Variants in PDIA6 observed in about 807,000 individuals in gnomAD.
The protein encoded by PDIA6 is protein disulfide-isomerase A6.
A neutral mutation model predicts 58.4 loss-of-function variants in PDIA6; 29 were observed. The observed-to-expected ratio is 0.50, with a 90% CI of 0.37 to 0.68. The LOEUF is 0.68. Ranked by LOEUF, PDIA6 falls within the 30% of genes least tolerant of loss-of-function variation. PDIA6 has a pLI of 0.00. For synonymous variants in PDIA6, 192 were observed against 202.6 expected (o/e 0.95, Z 0.44); for missense variants, 480 against 551.0 (o/e 0.87, Z 1.29).
intron 1 of PDIA6, among the ~76,000 whole-genome samples, chr2:10,829,945 T>G (rs992116141): frequency 2.6e-5 from 4 of 152,214 alleles, no homozygotes. Context: ...TTGTCCTCTG[T>G]GCTCCCGCCA....
Position 10,803,970 on chromosome 2 carries a change from G to A in PDIA6, c.20-1330C>T, listed in dbSNP as rs1352957946. Among the ~76,000 whole-genome samples, 6 of 145,762 alleles carry A rather than the reference G, an allele frequency of 4.1e-5. No individual in the cohort carries two copies. In the East Asian group the frequency reaches 6.3e-4, roughly 15 times the overall value. ...GTCACCCAGGCTGGAGTGCATTGGCGCTATCTCGGCTCACTGCAAGCTCTG... is the reference window on the plus strand; with the variant it reads ...GTCACCCAGGCTGGAGTGCATTGGCACTATCTCGGCTCACTGCAAGCTCTG... On this transcript the variant is annotated intron_variant, in intron 1 of 12. Coordinates refer to ENST00000272227, the MANE Select transcript of PDIA6 (RefSeq NM_005742.4).
intron 1 of PDIA6, among the ~76,000 whole-genome samples, chr2:10,828,628 G>A (rs976248974): frequency 2.0e-5 from 3 of 152,268 alleles, no homozygotes; most frequent in Admixed American, 6.5e-5. Context: ...CGGGGCAGGC[G>A]ACACTGGGCA....
chr2:10,810,057 C>T (rs1321851885), intron 1 of PDIA6, among the ~76,000 whole-genome samples: 2 of 152,192 alleles, frequency 1.3e-5, no homozygotes, highest in East Asian at 3.8e-4. Flanking sequence ...ACCTGTCACA[C>T]TATGCTCCAG....
chr2:10,831,962 A>G (rs1312355344), intron 1 of PDIA6, among the ~76,000 whole-genome samples: 1 of 134,788 alleles, frequency 7.4e-6, no homozygotes, highest in African/African-American at 2.7e-5. Flanking sequence ...GGTCCCCTGG[A>G]GCTATGATGG....
At chr2:10,820,815 G>A (rs1667361747) in intron 1 of PDIA6, 1 of 702,924 alleles carries the variant, frequency 1.4e-6, no homozygotes, top group Non-Finnish European at 2.6e-6. Flanking sequence ...CTCAACTGGG[G>A]CCAGTGGTCG....
At chr2:10,831,182 C>T (rs891759514) in intron 1 of PDIA6, among the ~76,000 whole-genome samples, 6 of 152,196 alleles carry the variant, frequency 3.9e-5, no homozygotes, top group African/African-American at 1.2e-4. Flanking sequence ...TGTGATAGGG[C>T]GGGCGTTGAT....
At position 10,812,744 on chromosome 2, in the gene PDIA6, C is replaced by A. The variant is rs753345474; in HGVS notation, c.-48G>T. Reference sequence around the variant, plus strand: ...GTCCCCACCGCCGCCGCCGCTTCAGCCCTGCAGCGTGCCGCACGCCGCGCC... The same window carrying A: ...GTCCCCACCGCCGCCGCCGCTTCAGACCTGCAGCGTGCCGCACGCCGCGCC... On this transcript the variant is annotated 5_prime_UTR_variant, in exon 1 of 13. Coordinates refer to ENST00000272227, the MANE Select transcript of PDIA6 (RefSeq NM_005742.4). 2.1e-6 allele frequency: 3 copies of A among 1,446,644 alleles called. No homozygotes were observed. The highest frequency in any genetic ancestry group is 2.6e-5 in the Admixed American group (1 of 38,058). 89.6% of individuals were successfully genotyped at this position (1,446,644 alleles called of 1,614,324 possible).
chr2:10,801,462 A>ATGGCACATTACATATATGTAATGT (rs1358579431), intron 2 of PDIA6, among the ~76,000 whole-genome samples: 3 of 152,222 alleles, frequency 2.0e-5, no homozygotes, highest in Non-Finnish European at 4.4e-5. Context: ...ATATATGATA[A>ATGGCACATTACATATATGTAATGT]GCTTGTAAAA....
intron 5 of PDIA6, among the ~76,000 whole-genome samples, chr2:10,792,273 C>T (rs1315003846): frequency 6.6e-6 from 1 of 152,192 alleles, no homozygotes; most frequent in African/African-American, 2.4e-5. Flanking sequence ...CTGCTTCATC[C>T]TAGGATGTTA....
intron 4 of PDIA6, among the ~76,000 whole-genome samples, 196 bp from the exon 5 acceptor site, chr2:10,793,398 T>A (rs917593101): frequency 4.6e-5 from 7 of 152,140 alleles, no homozygotes; most frequent in African/African-American, 7.2e-5. Flanking sequence ...GAAAACCAAT[T>A]CCTTTTCCTT....
chr2:10,792,046 A>G (rs1454370853), intron 5 of PDIA6, 121 bp from the exon 6 acceptor site: 2 of 1,072,738 alleles, frequency 1.9e-6, no homozygotes, highest in Non-Finnish European at 2.7e-6. Context: ...AGTGAATAAA[A>G]TAGTGAAAAC....
upstream of PDIA6, among the ~76,000 whole-genome samples, chr2:10,835,386 G>A (rs1347381620): frequency 2.6e-5 from 4 of 152,094 alleles, no homozygotes; most frequent in Non-Finnish European, 5.9e-5. Flanking sequence ...AGCCAGCCGG[G>A]TTCCGTTTCC....
Position 10,796,288 on chromosome 2 carries a change from C to G in PDIA6, c.346+793G>C, listed in dbSNP as rs1388009553. 2.6e-5 allele frequency among the ~76,000 whole-genome samples: 4 copies of G among 152,036 alleles called. No homozygotes were observed. In the East Asian group the frequency reaches 7.7e-4, roughly 29 times the overall value. ...CAGGATGGTCTCGATCTCCTGACCT[C>G]GTGATCCGCCCGTCTTGGCCTCCCA... On this transcript the variant is annotated intron_variant, in intron 4 of 12. Transcript: ENST00000272227.
At chr2:10,832,535 G>A, upstream of PDIA6, 3 of 609,436 alleles carry the variant, frequency 4.9e-6, no homozygotes, top group Non-Finnish European at 6.2e-6. Context: ...CTTGCTCTGC[G>A]CAGGCTGCTG....
chr2:10,784,426 T>G, intron 12 of PDIA6, 100 bp from the exon 13 acceptor site: 1 of 866,712 alleles, frequency 1.2e-6, no homozygotes, highest in Non-Finnish European at 1.8e-6. Flanking sequence ...GAGCTACTCC[T>G]GCTACAATCC....
intron 5 of PDIA6, 92 bp from the exon 6 acceptor site, chr2:10,792,017 AGTTTTAGGGTT>A (rs1666057979): frequency 2.2e-6 from 3 of 1,340,878 alleles, no homozygotes; most frequent in African/African-American, 1.4e-5. Context: ...ATCTTAACAA[AGTTTTAGGGTT>A]TTTCTTTAGT....
chr2:10,814,929 G>T (rs926744606), upstream of PDIA6, among the ~76,000 whole-genome samples: 6 of 152,232 alleles, frequency 3.9e-5, no homozygotes, highest in African/African-American at 1.4e-4. Flanking sequence ...CTCTGTCCCA[G>T]TTGGCCTCAG....
chr2:10,798,558 ACT>A (rs1205771376), intron 2 of PDIA6, among the ~76,000 whole-genome samples: 1 of 130,404 alleles, frequency 7.7e-6, no homozygotes, highest in Non-Finnish European at 1.6e-5. Flanking sequence ...ACACAGCAAG[ACT>A]CTGTCCCCCA....
chr2:10,794,147 T>C (rs572976120), intron 4 of PDIA6, among the ~76,000 whole-genome samples: 1 of 152,294 alleles, frequency 6.6e-6, no homozygotes, highest in Admixed American at 6.5e-5. Context: ...AGAATCTCTT[T>C]AGAAAGTTCA....
Sources: allele counts gnomAD v4.1 joint callset (sites outside exome capture counted in the v4.1 genomes callset), GRCh38; gene constraint gnomAD v4.1.1; transcripts MANE v1.5; gene names NCBI Gene and HGNC (gene_info 2026-07-23, HGNC 2026-07-21).